Variants in IPO8 observed in about 807,000 individuals in gnomAD.
The protein encoded by IPO8 is importin 8.
A neutral mutation model predicts 141.2 loss-of-function variants in IPO8; 65 were observed. That is an observed-to-expected ratio of 0.46 (90% confidence interval 0.38 to 0.57). The LOEUF is 0.57. Ranked by LOEUF, IPO8 falls within the 20% of genes least tolerant of loss-of-function variation. The probability of loss-of-function intolerance (pLI) is 0.00; values close to 1 mark genes in which losing one functional copy is unlikely to be tolerated. For missense variants in IPO8, 980 were observed against 1,246.8 expected, an observed-to-expected ratio of 0.79 and a Z score of 3.22; for synonymous variants, 411 against 420.3, an observed-to-expected ratio of 0.98 and a Z score of 0.27.
chr12:30,659,618 G>A (rs918301579), intron 16 of IPO8, among the ~76,000 whole-genome samples: 7 of 152,084 alleles, frequency 4.6e-5, no homozygotes, highest in East Asian at 1.9e-4. Context: ...TTGGGAGGCC[G>A]AGGTGGGCGG....
At position 30,630,096 on chromosome 12, in the gene IPO8, A is replaced by G. The variant is rs1381080871; in HGVS notation, c.*764T>C. On this transcript the variant is annotated 3_prime_UTR_variant, in exon 25 of 25. Transcript: ENST00000256079. ...AGCCCCTGCCACTTGCTGCCAAGAA[A>G]ATGAGTCCTGAACTTACAAGGTTAG... The G allele has an allele frequency of 6.6e-6, 1 of 152,224 alleles. No homozygotes were observed. The highest frequency in any genetic ancestry group is 6.5e-5 in the Admixed American group (1 of 15,286). 9.4% of individuals were successfully genotyped at this position (152,224 alleles called of 1,614,324 possible).
At chr12:30,647,161 C>A (rs3910562) in intron 20 of IPO8, among the ~76,000 whole-genome samples, 1 of 151,942 alleles carries the variant, frequency 6.6e-6, no homozygotes, top group Non-Finnish European at 1.5e-5. Flanking sequence ...CCTCACATTA[C>A]AGTCAACTGA....
intron 8 of IPO8, among the ~76,000 whole-genome samples, chr12:30,672,886 C>T (rs1158007260): frequency 2.0e-5 from 3 of 151,928 alleles, no homozygotes; most frequent in South Asian, 2.1e-4. Context: ...AACACATAAA[C>T]GGAAGTATTC....
intron 20 of IPO8, among the ~76,000 whole-genome samples, chr12:30,645,491 A>G (rs2052632965): frequency 6.6e-6 from 1 of 152,178 alleles, no homozygotes; most frequent in African/African-American, 2.4e-5. Context: ...GAAAAAGAAC[A>G]ACTAAACAAA....
chr12:30,669,834 T>C (rs2053024319), intron 9 of IPO8, among the ~76,000 whole-genome samples: 1 of 152,164 alleles, frequency 6.6e-6, no homozygotes, highest in South Asian at 2.1e-4. Flanking sequence ...TCCACAAATG[T>C]TTCAGTTAGA....
intron 20 of IPO8, among the ~76,000 whole-genome samples, chr12:30,645,683 C>G (rs1240016258): frequency 6.6e-6 from 1 of 151,916 alleles, no homozygotes; most frequent in Non-Finnish European, 1.5e-5. Flanking sequence ...AGGGTCATTA[C>G]TATGGAACCT....
chr12:30,689,134 A>C (rs1350656099), intron 2 of IPO8, among the ~76,000 whole-genome samples: 2 of 152,084 alleles, frequency 1.3e-5, no homozygotes, highest in Non-Finnish European at 2.9e-5. Context: ...TAATATAAAA[A>C]AAAGAATTGG....
In IPO8 at chr12:30,695,738, A is replaced by T; in HGVS notation, c.-91T>A. ...GACCCTCTCAGCCTCCTCTTCCGCG[A>T]CCCCTGGATTACCTCACACCCCACC... is the stretch of plus-strand genomic sequence containing the variant. On this transcript the variant is annotated 5_prime_UTR_variant, in exon 1 of 25. Transcript: ENST00000256079. This position sits in a 1 kb window ranked among gnomAD's most constrained non-coding sequence, Gnocchi z 4.2. 4 of 1,211,498 alleles carry T rather than the reference A, an allele frequency of 3.3e-6. No homozygotes were observed. In the South Asian group the frequency reaches 5.6e-5, roughly 17 times the overall value. The allele number at this position is 1,211,498 out of a possible 1,614,324, so 75.0% of individuals were successfully genotyped here.
chr12:30,633,737 T>C lies in IPO8; in HGVS notation c.2899+346A>G, dbSNP rs77942501. 1.9e-3 allele frequency among the ~76,000 whole-genome samples: 284 copies of C among 152,348 alleles called. 1 individual carries two copies. The highest frequency in any genetic ancestry group is 6.3e-3 in the African/African-American group (264 of 41,576). On this transcript the variant is annotated intron_variant, in intron 23 of 24. Coordinates refer to ENST00000256079, the MANE Select transcript of IPO8 (RefSeq NM_006390.4). ...TGTTAGCCACAATTTTTAAGCAATG[T>C]ATGCCTGAAACACTTCATTCTTTGC...
At chr12:30,666,915 C>G (rs1300655378) in intron 10 of IPO8, among the ~76,000 whole-genome samples, 1 of 152,182 alleles carries the variant, frequency 6.6e-6, no homozygotes, top group Non-Finnish European at 1.5e-5. Flanking sequence ...ATGCCTGGCT[C>G]TGTCGATACG....
At position 30,666,267 on chromosome 12, in the gene IPO8, G is replaced by T; in HGVS notation, c.1145-16C>A. 1 of 1,524,238 alleles carries T rather than the reference G, an allele frequency of 6.6e-7. No individual in the cohort carries two copies. Among genetic ancestry groups the T allele is most frequent in the Non-Finnish European group, 8.9e-7 (1 of 1,118,076 alleles). The allele number at this position is 1,524,238 out of a possible 1,614,324, so 94.4% of individuals were successfully genotyped here. The stretch of plus-strand genomic sequence containing the variant: ...TCAAAAATATCTAAGATTTTAAAAG[G>T]TTAAAACCATGTTAGTGAAAATATA... On this transcript the variant is annotated splice_polypyrimidine_tract_variant and intron_variant, in intron 10 of 24. Coordinates refer to ENST00000256079, the MANE Select transcript of IPO8 (RefSeq NM_006390.4).
chr12:30,695,419 G>T lies in IPO8; in HGVS notation c.84+145C>A. ...CCCTGCTCCACTGGACCGGGGGGCA[G>T]CGGGGTCGGAGAGCGGGACCAGCCG... On this transcript the variant is annotated intron_variant, in intron 1 of 24. Transcript: ENST00000256079. The surrounding 1 kb of genome is among the most constrained non-coding windows in gnomAD (Gnocchi z 4.2). The T allele has an allele frequency of 1.5e-6, 1 of 653,882 alleles. No individual in the cohort carries two copies. The allele number at this position is 653,882 out of a possible 1,614,324, so 40.5% of individuals were successfully genotyped here. A position where few individuals can be genotyped will look rare whatever the true frequency, so the allele number is the denominator to read the frequency against.
At chr12:30,679,926 C>G (rs2053167150) in intron 5 of IPO8, among the ~76,000 whole-genome samples, 1 of 152,034 alleles carries the variant, frequency 6.6e-6, no homozygotes, top group Admixed American at 6.6e-5. Flanking sequence ...CAAACATATT[C>G]CATCTCTATC....
At chr12:30,648,466 A>C (rs1162028499) in intron 20 of IPO8, among the ~76,000 whole-genome samples, 1 of 152,192 alleles carries the variant, frequency 6.6e-6, no homozygotes, top group Non-Finnish European at 1.5e-5. Context: ...CATGTTCTAA[A>C]ATTGTGTAAC....
intron 16 of IPO8, among the ~76,000 whole-genome samples, chr12:30,660,612 T>G (rs1021452958): frequency 2.6e-5 from 4 of 152,240 alleles, no homozygotes; most frequent in African/African-American, 4.8e-5. Context: ...ACTAGATAAA[T>G]AGCTGTATAA....
At chr12:30,648,831 C>G (rs1358365657) in intron 20 of IPO8, among the ~76,000 whole-genome samples, 1 of 151,966 alleles carries the variant, frequency 6.6e-6, no homozygotes, top group East Asian at 1.9e-4. Flanking sequence ...ATAGGATACA[C>G]AAAACAAAGG....
chr12:30,679,048 A>G (rs1326339447), intron 5 of IPO8, among the ~76,000 whole-genome samples: 1 of 152,182 alleles, frequency 6.6e-6, no homozygotes, highest in African/African-American at 2.4e-5. Flanking sequence ...CATGTTGGCC[A>G]GGCTGGTCTT....
At chr12:30,661,387 T>A in intron 15 of IPO8, 121 bp from the exon 16 acceptor site, 6 of 745,362 alleles carry the variant, frequency 8.0e-6, no homozygotes, top group Non-Finnish European at 1.2e-5. Context: ...CTTTGAAGTC[T>A]GCACTTTGCT....
intron 20 of IPO8, among the ~76,000 whole-genome samples, chr12:30,641,175 A>G (rs2052568981): frequency 6.6e-6 from 1 of 152,216 alleles, no homozygotes; most frequent in African/African-American, 2.4e-5. Context: ...GTGCAGCTGC[A>G]GAAGGAATGC....
Sources: gnomAD v4.1 joint callset for allele counts (sites outside exome capture counted in the v4.1 genomes callset) on GRCh38, gnomAD v4.1.1 for gene constraint, Gnocchi (gnomAD v3.1) non-coding constraint, MANE v1.5 for transcripts, NCBI Gene and HGNC (gene_info 2026-07-23, HGNC 2026-07-21) for gene names.